CAST: variants seen among roughly 807,000 people sequenced by gnomAD.
CAST encodes MIR583 host.
A neutral mutation model predicts 119.6 loss-of-function variants in CAST; 76 were observed. The observed-to-expected ratio is 0.64, with a 90% CI of 0.53 to 0.77. The LOEUF (loss-of-function observed/expected upper bound fraction) is 0.77. Ranked by LOEUF, CAST falls within the 30% of genes least tolerant of loss-of-function variation. The pLI is 0.00. For synonymous variants in CAST, 319 were observed against 331.6 expected, an observed-to-expected ratio of 0.96 and a Z score of 0.41; for missense variants, 953 against 946.5, an observed-to-expected ratio of 1.01 and a Z score of -0.09.
the CAST span, among the ~76,000 whole-genome samples, chr5:96,420,663 C>A: frequency 6.8e-6 from 1 of 147,014 alleles, no homozygotes; most frequent in Non-Finnish European, 1.5e-5. Flanking sequence ...GGAGGGAAGA[C>A]TATCCAAAGA....
intron 1 of CAST, among the ~76,000 whole-genome samples, chr5:96,536,786 T>G (rs1745823839): frequency 1.3e-5 from 2 of 152,102 alleles, no homozygotes; most frequent in South Asian, 4.1e-4. Flanking sequence ...AATAATTGAG[T>G]AGGTAATGGT....
the CAST span, among the ~76,000 whole-genome samples, chr5:95,992,925 G>A: frequency 6.6e-6 from 1 of 151,524 alleles, no homozygotes; most frequent in African/African-American, 2.4e-5. Context: ...AAACAATTTT[G>A]AAAAAAAATG....
At chr5:96,623,352 G>A (rs1747659064) in intron 1 of CAST, among the ~76,000 whole-genome samples, 1 of 152,090 alleles carries the variant, frequency 6.6e-6, no homozygotes, top group Non-Finnish European at 1.5e-5. Flanking sequence ...ATGGGCATGA[G>A]CATGGAGCCC....
chr5:95,997,962 G>GTTTTCTTTTTTTTTTTTTTTTT, the CAST span, among the ~76,000 whole-genome samples: 1 of 111,698 alleles, frequency 9.0e-6, no homozygotes, highest in Admixed American at 9.6e-5. Context: ...TTTGAGAGAG[G>GTTTTCTTTTTTTTTTTTTTTTT]GTTTTTTTTT....
At chr5:96,159,379 ATTAAC>A in the CAST span, among the ~76,000 whole-genome samples, 1 of 152,196 alleles carries the variant, frequency 6.6e-6, no homozygotes, top group African/African-American at 2.4e-5. Context: ...TTTTCTCCGT[ATTAAC>A]TTGTCTATAT....
chr5:96,119,433 G>A, the CAST span, among the ~76,000 whole-genome samples: 7 of 152,068 alleles, frequency 4.6e-5, no homozygotes, highest in Admixed American at 2.6e-4. Context: ...GAAGACCTGG[G>A]ATCTCTAGAT....
At chr5:96,137,914 G>GT in the CAST span, among the ~76,000 whole-genome samples, 10 of 151,592 alleles carry the variant, frequency 6.6e-5, no homozygotes, top group African/African-American at 2.2e-4. Context: ...CATATTTGCA[G>GT]TTTTTTTTCT....
the CAST span, among the ~76,000 whole-genome samples, chr5:96,049,288 C>T: frequency 1.3e-5 from 2 of 151,510 alleles, no homozygotes; most frequent in Admixed American, 1.3e-4. Context: ...AAATGTGAGA[C>T]AAGATGCAGT....
the CAST span, among the ~76,000 whole-genome samples, chr5:96,336,420 G>A: frequency 2.0e-5 from 3 of 152,302 alleles, no homozygotes; most frequent in East Asian, 1.9e-4. Flanking sequence ...GTTAAGTCGC[G>A]TTCTTCTCCA....
chr5:96,093,285 T>A, the CAST span, among the ~76,000 whole-genome samples: 1 of 152,190 alleles, frequency 6.6e-6, no homozygotes, highest in Non-Finnish European at 1.5e-5. Context: ...GCTGTTTTGT[T>A]AAGTGATACA....
chr5:96,414,544 A>G, the CAST span, among the ~76,000 whole-genome samples: 3,674 of 152,262 alleles, frequency 0.024, 149 homozygotes, highest in African/African-American at 0.084. Context: ...GTGCCTAATA[A>G]ATGAAGATTA....
At chr5:96,358,002 T>G in the CAST span, among the ~76,000 whole-genome samples, 1 of 152,210 alleles carries the variant, frequency 6.6e-6, no homozygotes, top group Non-Finnish European at 1.5e-5. Context: ...CTGCCTCAAT[T>G]TCAGAACTTG....
At chr5:96,443,759 T>C in the CAST span, among the ~76,000 whole-genome samples, 12 of 152,212 alleles carry the variant, frequency 7.9e-5, no homozygotes, top group Non-Finnish European at 1.8e-4. Context: ...ATCAAATTTA[T>C]TTAACAATTG....
chr5:96,358,943 G>T, the CAST span, among the ~76,000 whole-genome samples: 2 of 152,132 alleles, frequency 1.3e-5, no homozygotes, highest in Non-Finnish European at 2.9e-5. Flanking sequence ...GGGTGTTAAA[G>T]TCTCCCACTA....
chr5:96,713,893 T>G (rs1756700647), intron 3 of CAST, among the ~76,000 whole-genome samples: 1 of 152,092 alleles, frequency 6.6e-6, no homozygotes, highest in Admixed American at 6.5e-5. Flanking sequence ...GAGAATTGCT[T>G]GAACCCAGGT....
At chr5:96,415,202 G>C in the CAST span, among the ~76,000 whole-genome samples, 2 of 152,106 alleles carry the variant, frequency 1.3e-5, no homozygotes, top group African/African-American at 2.4e-5. Flanking sequence ...TGCATCAATG[G>C]GCTCTGTCTT....
At chr5:96,219,771 A>G in the CAST span, among the ~76,000 whole-genome samples, 1 of 138,738 alleles carries the variant, frequency 7.2e-6, no homozygotes, top group Admixed American at 6.8e-5. Context: ...GAAGGAAGGA[A>G]GGAAGAAAGG....
intron 1 of CAST, among the ~76,000 whole-genome samples, chr5:96,618,225 T>C (rs1218587069): frequency 1.3e-5 from 2 of 152,226 alleles, no homozygotes; most frequent in Non-Finnish European, 2.9e-5. Flanking sequence ...TTTGCCCTCC[T>C]GGGAGATCTA....
the CAST span, among the ~76,000 whole-genome samples, chr5:96,346,362 T>C: frequency 6.6e-6 from 1 of 152,132 alleles, no homozygotes; most frequent in Non-Finnish European, 1.5e-5. Context: ...AGGCAGGTGG[T>C]TAGATATTCA....
Sources: allele counts gnomAD v4.1 joint callset (sites outside exome capture counted in the v4.1 genomes callset), GRCh38; gene constraint gnomAD v4.1.1; transcripts MANE v1.5; gene names NCBI Gene and HGNC (gene_info 2026-07-23, HGNC 2026-07-21).